The following NTM variants were observed in gnomAD, a reference collection of about 807,000 sequenced individuals.
The protein encoded by NTM is neurotrimin.
In NTM, 13 loss-of-function variants were observed where a neutral mutation model predicts 42.1. The ratio of observed to expected loss-of-function variants is 0.31; its 90% CI spans 0.20 to 0.49. The LOEUF (loss-of-function observed/expected upper bound fraction) is 0.49. Ranked by LOEUF, NTM falls within the 20% of genes least tolerant of loss-of-function variation. NTM has a pLI of 0.99. For synonymous variants in NTM, 187 were observed against 179.2 expected (o/e 1.04, Z -0.35); for missense variants, 373 against 452.8 (o/e 0.82, Z 1.60).
chr11:131,464,897 T>G (rs991726096), intron 1 of NTM, among the ~76,000 whole-genome samples: 2 of 152,234 alleles, frequency 1.3e-5, no homozygotes, highest in Non-Finnish European at 2.9e-5. Flanking sequence ...ATAGCTCTGC[T>G]GGACAAGACC....
chr11:131,592,381 A>T (rs1414373682), intron 1 of NTM, among the ~76,000 whole-genome samples: 1 of 152,088 alleles, frequency 6.6e-6, no homozygotes, highest in Non-Finnish European at 1.5e-5. Flanking sequence ...AAGATCCACG[A>T]AGTCTAGCCC....
intron 1 of NTM, among the ~76,000 whole-genome samples, chr11:131,781,094 A>C (rs1265352686): frequency 6.6e-6 from 1 of 152,142 alleles, no homozygotes; most frequent in Non-Finnish European, 1.5e-5. Flanking sequence ...AAGAGATAAA[A>C]TAGAAAATGA....
chr11:131,829,298 G>A (rs1387116503), intron 1 of NTM, among the ~76,000 whole-genome samples: 1 of 152,072 alleles, frequency 6.6e-6, no homozygotes, highest in African/African-American at 2.4e-5. Flanking sequence ...CTCAGGTATT[G>A]AGAATAGTAT....
intron 3 of NTM, among the ~76,000 whole-genome samples, chr11:132,200,846 G>T (rs372407758): frequency 1.1e-3 from 175 of 152,294 alleles, no homozygotes; most frequent in African/African-American, 4.0e-3. Flanking sequence ...GGCAAGAGGA[G>T]AACATTAGCA....
At chr11:132,149,382 G>A (rs1180694390) in intron 3 of NTM, among the ~76,000 whole-genome samples, 1 of 151,974 alleles carries the variant, frequency 6.6e-6, no homozygotes, top group Non-Finnish European at 1.5e-5. Flanking sequence ...GGGCATATTA[G>A]GTTTTCAAAA....
chr11:131,621,660 A>G (rs1257895538), intron 1 of NTM, among the ~76,000 whole-genome samples: 1 of 131,220 alleles, frequency 7.6e-6, no homozygotes, highest in East Asian at 2.1e-4. Context: ...AAAAAAAAAA[A>G]AGTTTTCTTT....
chr11:131,652,197 G>C (rs1391514229), intron 1 of NTM, among the ~76,000 whole-genome samples: 1 of 152,186 alleles, frequency 6.6e-6, no homozygotes, highest in Admixed American at 6.5e-5. Context: ...GCTTCTGTGA[G>C]GATCAAAGAG....
chr11:131,941,568 A>G (rs1046295363), intron 2 of NTM, among the ~76,000 whole-genome samples: 1 of 152,166 alleles, frequency 6.6e-6, no homozygotes, highest in East Asian at 1.9e-4. Context: ...GGCAGGGTGT[A>G]TGTCTTTGAT....
intron 1 of NTM, among the ~76,000 whole-genome samples, chr11:131,593,775 C>T (rs753865456): frequency 6.6e-6 from 1 of 152,190 alleles, no homozygotes; most frequent in Non-Finnish European, 1.5e-5. Flanking sequence ...TCACGAGGAT[C>T]ATGTTTGTCT....
chr11:131,871,624 A>G (rs138615242), intron 1 of NTM, among the ~76,000 whole-genome samples: 35 of 152,330 alleles, frequency 2.3e-4, no homozygotes, highest in African/African-American at 7.9e-4. Flanking sequence ...ATCAATATGA[A>G]TACTTTGCAT....
At chr11:131,628,252 G>A (rs765480320) in intron 1 of NTM, among the ~76,000 whole-genome samples, 3 of 152,108 alleles carry the variant, frequency 2.0e-5, no homozygotes, top group East Asian at 3.9e-4. Flanking sequence ...GATCTTTCAC[G>A]GGTGACCCCT....
chr11:131,372,583 A>G (rs367955851), intron 1 of NTM, among the ~76,000 whole-genome samples: 14 of 152,162 alleles, frequency 9.2e-5, no homozygotes, highest in African/African-American at 3.1e-4. Context: ...ATGAAAACTA[A>G]GCAGGCAAGG....
intron 1 of NTM, among the ~76,000 whole-genome samples, chr11:131,553,025 T>A (rs566348825): frequency 1.2e-4 from 18 of 152,242 alleles, no homozygotes; most frequent in Admixed American, 9.8e-4. Context: ...TGACATTCCA[T>A]AACAGGCAAA....
At chr11:132,091,813 C>T (rs1241904362) in intron 2 of NTM, among the ~76,000 whole-genome samples, 1 of 152,146 alleles carries the variant, frequency 6.6e-6, no homozygotes, top group Non-Finnish European at 1.5e-5. Context: ...TTAACTTTAC[C>T]ATTATCAGTA....
intron 1 of NTM, among the ~76,000 whole-genome samples, chr11:131,813,678 G>T (rs1041023558): frequency 2.0e-5 from 3 of 152,056 alleles, no homozygotes; most frequent in Non-Finnish European, 2.9e-5. Flanking sequence ...AAATCAAAGT[G>T]GTATTATAAT....
At chr11:131,568,856 C>A (rs1309792416) in intron 1 of NTM, among the ~76,000 whole-genome samples, 2 of 152,166 alleles carry the variant, frequency 1.3e-5, no homozygotes, top group South Asian at 2.1e-4. Flanking sequence ...GAGCTTGGCC[C>A]AGCTGTATAC....
chr11:132,080,112 C>A (rs997042824), intron 2 of NTM, among the ~76,000 whole-genome samples: 3 of 151,976 alleles, frequency 2.0e-5, no homozygotes, highest in African/African-American at 7.3e-5. Flanking sequence ...ATTCATAGCC[C>A]CCAAATTTTA....
At chr11:131,623,218 C>T (rs1045778891) in intron 1 of NTM, among the ~76,000 whole-genome samples, 5 of 152,188 alleles carry the variant, frequency 3.3e-5, no homozygotes, top group Admixed American at 6.5e-5. Context: ...CTTGTGTGAT[C>T]GCTGGGTGAC....
chr11:131,698,558 C>T (rs532698999), intron 1 of NTM, among the ~76,000 whole-genome samples: 2 of 152,196 alleles, frequency 1.3e-5, no homozygotes, highest in East Asian at 3.9e-4. Flanking sequence ...CCTTTAAAAA[C>T]CAGACATTTC....
Sources: gnomAD v4.1 joint callset for allele counts (sites outside exome capture counted in the v4.1 genomes callset) on GRCh38, gnomAD v4.1.1 for gene constraint, MANE v1.5 for transcripts, NCBI Gene and HGNC (gene_info 2026-07-23, HGNC 2026-07-21) for gene names.